Variants in WDR70 observed in about 807,000 individuals in gnomAD.
The protein encoded by WDR70 is WD repeat-containing protein 70.
WDR70 carries 53 observed loss-of-function variants against 88.6 expected under a neutral mutation model. That is an observed-to-expected ratio of 0.60 (90% CI 0.48 to 0.75). The LOEUF (loss-of-function observed/expected upper bound fraction) is 0.75. Among genes scored for constraint, WDR70 ranks in the 30% least tolerant of loss-of-function variants. The probability of loss-of-function intolerance (pLI) is 0.00; values close to 1 mark genes in which losing one functional copy is unlikely to be tolerated. For synonymous variants in WDR70, 280 were observed against 270.0 expected (o/e 1.04, Z -0.36); for missense variants, 610 against 823.2 (o/e 0.74, Z 3.17).
At chr5:37,445,161 T>C (rs1199532867) in intron 7 of WDR70, among the ~76,000 whole-genome samples, 1 of 152,242 alleles carries the variant, frequency 6.6e-6, no homozygotes, top group African/African-American at 2.4e-5. Context: ...TCAGATGGCA[T>C]GTATTGTCTA....
Position 37,487,959 on chromosome 5 carries a change from T to C in WDR70, c.840+7972T>C, listed in dbSNP as rs151007541. On this transcript the variant is annotated intron_variant, in intron 8 of 17. Coordinates refer to ENST00000265107, the MANE Select transcript of WDR70 (RefSeq NM_018034.4). ...ACTCTTTTGCCTCCAGGTATAGGAC[T>C]CCTTTAAACATTTCTTGTAGGCCTG... 1.8e-3 allele frequency among the ~76,000 whole-genome samples: 269 copies of C among 152,240 alleles called. 3 individuals carry two copies. Among genetic ancestry groups the C allele is most frequent in the Non-Finnish European group, 3.7e-4 (25 of 68,020 alleles).
chr5:37,417,104 G>A (rs922819369), intron 5 of WDR70, among the ~76,000 whole-genome samples: 3 of 152,198 alleles, frequency 2.0e-5, no homozygotes, highest in African/African-American at 7.2e-5. Flanking sequence ...TCAAAATGAG[G>A]ATACTTTAAG....
chr5:37,454,191 A>G (rs566861724), intron 7 of WDR70, among the ~76,000 whole-genome samples: 2 of 152,282 alleles, frequency 1.3e-5, no homozygotes, highest in East Asian at 3.9e-4. Flanking sequence ...CTTTTTCTGG[A>G]GGATCTGAAA....
intron 9 of WDR70, among the ~76,000 whole-genome samples, chr5:37,588,224 A>C (rs957390307): frequency 3.9e-5 from 6 of 152,188 alleles, no homozygotes; most frequent in African/African-American, 1.4e-4. Flanking sequence ...AAAGAAAGGA[A>C]GTCAAAATGG....
chr5:37,653,335 A>C (rs981859169), intron 10 of WDR70, among the ~76,000 whole-genome samples: 1 of 152,148 alleles, frequency 6.6e-6, no homozygotes, highest in Admixed American at 6.5e-5. Flanking sequence ...TGCTGGATTC[A>C]GTTTGCCAGT....
intron 13 of WDR70, among the ~76,000 whole-genome samples, 194 bp from the exon 14 acceptor site, chr5:37,720,921 A>T (rs1053571283): frequency 2.0e-5 from 3 of 152,188 alleles, no homozygotes; most frequent in Non-Finnish European, 4.4e-5. Flanking sequence ...ATGGAGTATC[A>T]CCCAGATAAT....
chr5:37,726,255 AT>A (rs1747967296), intron 16 of WDR70, among the ~76,000 whole-genome samples: 1 of 152,146 alleles, frequency 6.6e-6, no homozygotes, highest in Non-Finnish European at 1.5e-5. Context: ...GATTTATGAA[AT>A]TAATCTTTTA....
At chr5:37,543,352 G>C (rs1741886516) in intron 9 of WDR70, among the ~76,000 whole-genome samples, 1 of 152,190 alleles carries the variant, frequency 6.6e-6, no homozygotes, top group South Asian at 2.1e-4. Flanking sequence ...ATCATGTTAT[G>C]TAGAAACCTG....
chr5:37,406,588 T>C (rs1230514695), intron 5 of WDR70, among the ~76,000 whole-genome samples: 1 of 152,226 alleles, frequency 6.6e-6, no homozygotes, highest in Non-Finnish European at 1.5e-5. Context: ...ACTCAGATTA[T>C]GTGGATGGAT....
intron 11 of WDR70, 72 bp downstream of exon 11, chr5:37,697,826 T>C: frequency 1.5e-6 from 2 of 1,327,818 alleles, no homozygotes; most frequent in South Asian, 2.5e-5. Flanking sequence ...ATGACAATAA[T>C]ATCCTAGTGC....
At position 37,487,514 on chromosome 5, in the gene WDR70, G is replaced by A. The variant is rs186903720; in HGVS notation, c.840+7527G>A. On this transcript the variant is annotated intron_variant, in intron 8 of 17. Transcript: ENST00000265107. ...ATATTATATACTTCATATGTAAGCAGGCCCTCCTAATTATATTAAGTTGTT... is the reference window on the plus strand; with the variant it reads ...ATATTATATACTTCATATGTAAGCAAGCCCTCCTAATTATATTAAGTTGTT... Among the ~76,000 whole-genome samples the A allele has an allele frequency of 2.3e-3, 337 of 148,686 alleles. 2 individuals carry two copies. Among genetic ancestry groups the A allele is most frequent in the African/African-American group, 8.1e-3 (326 of 40,472 alleles).
At chr5:37,614,782 C>T (rs962921603) in intron 10 of WDR70, among the ~76,000 whole-genome samples, 24 of 152,034 alleles carry the variant, frequency 1.6e-4, no homozygotes, top group African/African-American at 5.1e-4. Flanking sequence ...CTTTTCTCTT[C>T]GATATTAATG....
chr5:37,728,605 T>C (rs1748057723), intron 17 of WDR70, among the ~76,000 whole-genome samples: 1 of 152,126 alleles, frequency 6.6e-6, no homozygotes, highest in South Asian at 2.1e-4. Context: ...CCATGCATGT[T>C]TGGCACAAAT....
At chr5:37,644,891 C>G (rs1204519876) in intron 10 of WDR70, among the ~76,000 whole-genome samples, 1 of 151,590 alleles carries the variant, frequency 6.6e-6, no homozygotes, top group Non-Finnish European at 1.5e-5. Flanking sequence ...GTTAATTAGT[C>G]TGGCTAAAGG....
chr5:37,634,194 G>T (rs1003043168), intron 10 of WDR70, among the ~76,000 whole-genome samples: 12 of 151,646 alleles, frequency 7.9e-5, no homozygotes, highest in African/African-American at 2.7e-4. Flanking sequence ...AGCTACTCGG[G>T]AGGCTGAGCC....
intron 10 of WDR70, among the ~76,000 whole-genome samples, chr5:37,626,578 T>C (rs1238758340): frequency 6.6e-6 from 1 of 152,192 alleles, no homozygotes; most frequent in East Asian, 1.9e-4. Context: ...TTTCCGCTTG[T>C]TGTCGTTGTT....
intron 7 of WDR70, among the ~76,000 whole-genome samples, chr5:37,475,767 C>T (rs1739461572): frequency 6.6e-6 from 1 of 151,584 alleles, no homozygotes; most frequent in African/African-American, 2.4e-5. Flanking sequence ...GGATGTAAAC[C>T]ATCCATCTTA....
At chr5:37,494,999 C>A (rs1196993274) in intron 8 of WDR70, among the ~76,000 whole-genome samples, 1 of 152,192 alleles carries the variant, frequency 6.6e-6, no homozygotes, top group Non-Finnish European at 1.5e-5. Context: ...ATTTACTATT[C>A]CCTGTGACTC....
intron 2 of WDR70, 60 bp downstream of exon 2, chr5:37,379,614 A>T (rs1357888276): frequency 1.3e-6 from 2 of 1,577,434 alleles, no homozygotes; most frequent in Non-Finnish European, 1.7e-6. Context: ...AGATCCGCAG[A>T]GTGGGAGTGG....
Sources: gnomAD v4.1 joint callset for allele counts (sites outside exome capture counted in the v4.1 genomes callset) on GRCh38, gnomAD v4.1.1 for gene constraint, MANE v1.5 for transcripts, NCBI Gene and HGNC (gene_info 2026-07-23, HGNC 2026-07-21) for gene names.